ELMO1: variants seen among roughly 807,000 people sequenced by gnomAD.
ELMO1 encodes the protein engulfment and cell motility 1.
A neutral mutation model predicts 98.9 loss-of-function variants in ELMO1; 26 were observed. That is an observed-to-expected ratio of 0.26 (90% CI 0.19 to 0.36). The LOEUF is 0.36. Ranked by LOEUF, ELMO1 falls within the 10% of genes least tolerant of loss-of-function variation. The pLI, the probability that ELMO1 is intolerant of heterozygous loss-of-function variation, is 1.00. For synonymous variants in ELMO1, 346 were observed against 346.0 expected (o/e 1.00, Z 0.00); for missense variants, 627 against 935.2 (o/e 0.67, Z 4.30).
chr7:36,996,744 T>G (rs1792242334), intron 16 of ELMO1, among the ~76,000 whole-genome samples: 1 of 152,188 alleles, frequency 6.6e-6, no homozygotes, highest in African/African-American at 2.4e-5. Context: ...GCCCATGAGT[T>G]GGGCCTTGAA....
At chr7:37,144,584 A>G (rs1455810230) in intron 13 of ELMO1, among the ~76,000 whole-genome samples, 4 of 152,136 alleles carry the variant, frequency 2.6e-5, no homozygotes. Context: ...TTTTACTGCA[A>G]AGCCTGTGTA....
At chr7:37,322,382 A>G (rs2131147325) in intron 2 of ELMO1, among the ~76,000 whole-genome samples, 1 of 152,098 alleles carries the variant, frequency 6.6e-6, no homozygotes, top group South Asian at 2.1e-4. Flanking sequence ...TTGGGAGGCC[A>G]AGGCAGATGG....
chr7:37,286,157 G>A (rs1420355585), intron 4 of ELMO1, among the ~76,000 whole-genome samples: 3 of 152,202 alleles, frequency 2.0e-5, no homozygotes, highest in African/African-American at 2.4e-5. Flanking sequence ...GCAAAACAAT[G>A]CAAATAGTGG....
chr7:36,912,939 A>G (rs1784439804), intron 16 of ELMO1, among the ~76,000 whole-genome samples: 1 of 152,080 alleles, frequency 6.6e-6, no homozygotes, highest in African/African-American at 2.4e-5. Flanking sequence ...TATCACTTCT[A>G]CCTCCCACTA....
chr7:36,855,346 G>T lies in ELMO1; in HGVS notation c.*205C>A. ...CCATGGGAAGTGACCTGAAGCAGTG[G>T]AGCCGAGGAACAGAATCAGGGCGGT... On this transcript the variant is annotated 3_prime_UTR_variant, in exon 22 of 22. Transcript: ENST00000310758. The surrounding 1 kb of genome is among the most constrained non-coding windows in gnomAD (Gnocchi z 4.2). 1 of 611,178 alleles carries T rather than the reference G, an allele frequency of 1.6e-6. No individual in the cohort carries two copies. Among genetic ancestry groups the T allele is most frequent in the Non-Finnish European group, 2.9e-6 (1 of 349,854 alleles). 37.9% of individuals were successfully genotyped at this position (611,178 alleles called of 1,614,324 possible). A position where few individuals can be genotyped will look rare whatever the true frequency, so the allele number is the denominator to read the frequency against.
chr7:36,853,667 C>T lies in ELMO1; in HGVS notation c.*1884G>A, dbSNP rs141365341. Among the ~76,000 whole-genome samples the T allele has an allele frequency of 2.0e-5, 3 of 152,346 alleles. No individual in the cohort carries two copies. Among genetic ancestry groups the T allele is most frequent in the African/African-American group, 7.2e-5 (3 of 41,578 alleles). On this transcript the variant is annotated 3_prime_UTR_variant, in exon 22 of 22. Coordinates refer to ENST00000310758, the MANE Select transcript of ELMO1 (RefSeq NM_014800.11). Reference sequence around the variant, plus strand: ...CATGCAGTGCTCTGGACCATATCATCTCAACCCAGGTCAATCTGTAATTGC... The same window carrying T: ...CATGCAGTGCTCTGGACCATATCATTTCAACCCAGGTCAATCTGTAATTGC...
chr7:37,006,897 G>A (rs946912610), intron 16 of ELMO1, among the ~76,000 whole-genome samples: 6 of 152,094 alleles, frequency 3.9e-5, no homozygotes, highest in African/African-American at 7.2e-5. Context: ...TCACTTTCCC[G>A]GTCTTTCTGC....
chr7:36,870,468 C>T lies in ELMO1; in HGVS notation c.1830G>A (p.Val610=), dbSNP rs1381069607. The T allele has an allele frequency of 6.2e-7, 1 of 1,613,534 alleles. No individual in the cohort carries two copies. The highest frequency in any genetic ancestry group is 1.7e-5 in the Admixed American group (1 of 59,830). ...CCGTCACCACGGCTTTGATATCTGC[C>T]ACCGGCACTGCAATTCATAAAAGAA... The part of the protein sequence containing the change: ...PHDSLQDKLP[V]ADIKAVVTGK... The change falls in exon 20 of 22, where the codon GTG becomes GTA. Residue 610 remains valine, a synonymous_variant. Coordinates refer to ENST00000310758, the MANE Select transcript of ELMO1 (RefSeq NM_014800.11). The surrounding 1 kb of genome is among the most constrained non-coding windows in gnomAD (Gnocchi z 4.4).
At chr7:37,269,316 C>A (rs1796432988) in intron 5 of ELMO1, 1 of 152,094 alleles carries the variant, frequency 6.6e-6, no homozygotes, top group Non-Finnish European at 1.5e-5. Flanking sequence ...TGTAATCCAG[C>A]CTCTCTATTA....
rs534124115 is a variant in ELMO1 at position 37,205,004 on chromosome 7, A to G, written c.1086+6382T>C. Among the ~76,000 whole-genome samples the G allele has an allele frequency of 3.9e-5, 6 of 152,276 alleles. No homozygotes were observed. The South Asian group carries it at 1.2e-3, about 32-fold the overall frequency. ...ACAAACCTTTAGCTAGACACAGAGTACTGATTGGTGCGTTTACAATCCTTT... is the reference window on the plus strand; with the variant it reads ...ACAAACCTTTAGCTAGACACAGAGTGCTGATTGGTGCGTTTACAATCCTTT... On this transcript the variant is annotated intron_variant, in intron 13 of 21. Transcript: ENST00000310758.
chr7:36,932,873 T>A (rs1467588492), intron 16 of ELMO1, among the ~76,000 whole-genome samples: 1 of 152,164 alleles, frequency 6.6e-6, no homozygotes, highest in Non-Finnish European at 1.5e-5. Flanking sequence ...AGATGTTTGT[T>A]CAGGCAACAG....
At chr7:37,319,751 T>C (rs1011535310) in intron 2 of ELMO1, among the ~76,000 whole-genome samples, 1 of 152,184 alleles carries the variant, frequency 6.6e-6, no homozygotes, top group Non-Finnish European at 1.5e-5. Context: ...AGACACTAAG[T>C]CTCATCACTA....
chr7:37,256,543 G>GAAGGAAGA (rs1472622715), intron 6 of ELMO1, among the ~76,000 whole-genome samples: 1 of 104,504 alleles, frequency 9.6e-6, no homozygotes, highest in African/African-American at 4.9e-5. Flanking sequence ...AGGAAGGAAA[G>GAAGGAAGA]AAGGAAGAAA....
chr7:37,324,216 G>T (rs1367514216), intron 2 of ELMO1, among the ~76,000 whole-genome samples: 1 of 152,182 alleles, frequency 6.6e-6, no homozygotes, highest in Non-Finnish European at 1.5e-5. Flanking sequence ...AAGCCCAAAT[G>T]CTCACCTTGG....
chr7:36,999,405 C>T (rs1050943786), intron 16 of ELMO1, among the ~76,000 whole-genome samples: 9 of 152,168 alleles, frequency 5.9e-5, no homozygotes, highest in Admixed American at 2.0e-4. Context: ...AACTCCATGA[C>T]GATCAGTCTC....
At chr7:37,224,741 G>T in intron 9 of ELMO1, 138 bp downstream of exon 9, 1 of 1,254,496 alleles carries the variant, frequency 8.0e-7, no homozygotes, top group Non-Finnish European at 1.1e-6. Flanking sequence ...TGTGACACGT[G>T]GTTTGGTTAT....
intron 13 of ELMO1, among the ~76,000 whole-genome samples, chr7:37,167,271 A>G (rs1159065168): frequency 6.6e-6 from 1 of 152,042 alleles, no homozygotes; most frequent in Non-Finnish European, 1.5e-5. Context: ...CAGCACACTG[A>G]TGGGTCTTGA....
chr7:37,337,187 T>C (rs1246437341), intron 2 of ELMO1, among the ~76,000 whole-genome samples: 1 of 152,198 alleles, frequency 6.6e-6, no homozygotes, highest in Non-Finnish European at 1.5e-5. Flanking sequence ...TAAGAAAATG[T>C]GGCACATATA....
chr7:37,015,516 G>T (rs896004673), intron 15 of ELMO1, among the ~76,000 whole-genome samples: 7 of 152,210 alleles, frequency 4.6e-5, no homozygotes, highest in Non-Finnish European at 1.0e-4. Flanking sequence ...CAGGAGAATC[G>T]CTTGAATCCA....
Sources: gnomAD v4.1 joint callset for allele counts (sites outside exome capture counted in the v4.1 genomes callset) on GRCh38, gnomAD v4.1.1 for gene constraint, Gnocchi (gnomAD v3.1) non-coding constraint, MANE v1.5 for transcripts, NCBI Gene and HGNC (gene_info 2026-07-23, HGNC 2026-07-21) for gene names.